The following FRMD5 variants were observed in gnomAD, a reference collection of about 807,000 sequenced individuals.
FRMD5 encodes the protein FERM domain containing 5, also known as FERM domain-containing protein 5.
In FRMD5, 20 loss-of-function variants were observed where a neutral mutation model predicts 69.0. The observed-to-expected ratio is 0.29, with a 90% confidence interval of 0.20 to 0.42. FRMD5 has a LOEUF of 0.42. Ranked by LOEUF, FRMD5 falls within the 10% of genes least tolerant of loss-of-function variation. The pLI is 1.00. For missense variants in FRMD5, 595 were observed against 708.6 expected, an observed-to-expected ratio of 0.84 and a Z score of 1.82; for synonymous variants, 271 against 260.1, an observed-to-expected ratio of 1.04 and a Z score of -0.40.
chr15:44,104,278 G>T (rs2076681483), intron 1 of FRMD5, among the ~76,000 whole-genome samples: 1 of 152,158 alleles, frequency 6.6e-6, no homozygotes, highest in African/African-American at 2.4e-5. Context: ...TAAGCTAGGT[G>T]TTATTATAAA....
intron 1 of FRMD5, among the ~76,000 whole-genome samples, chr15:44,141,914 T>C (rs1595514518): frequency 6.6e-6 from 1 of 152,172 alleles, no homozygotes; most frequent in African/African-American, 2.4e-5. Context: ...GGCTCATTTG[T>C]ATAGGGTTTT....
At chr15:43,973,892 A>G (rs1337229900) in intron 1 of FRMD5, among the ~76,000 whole-genome samples, 6 of 150,844 alleles carry the variant, frequency 4.0e-5, no homozygotes, top group African/African-American at 1.5e-4. Flanking sequence ...GGCCTCCTCA[A>G]TCTTCTACTT....
chr15:44,068,663 C>G (rs1444454955), intron 1 of FRMD5, among the ~76,000 whole-genome samples: 1 of 152,088 alleles, frequency 6.6e-6, no homozygotes, highest in Non-Finnish European at 1.5e-5. Flanking sequence ...TAAAAATGTT[C>G]TGAAATTACA....
intron 1 of FRMD5, among the ~76,000 whole-genome samples, chr15:44,134,265 A>G (rs924822603): frequency 1.3e-5 from 2 of 152,094 alleles, no homozygotes; most frequent in African/African-American, 4.8e-5. Context: ...GTGCATCACC[A>G]CGTCCAGCTT....
chr15:44,001,725 G>GC (rs938049055), intron 1 of FRMD5, among the ~76,000 whole-genome samples: 1 of 151,714 alleles, frequency 6.6e-6, no homozygotes, highest in Non-Finnish European at 1.5e-5. Context: ...TCCTGCCGCA[G>GC]CCCCCCAAGT....
chr15:44,098,120 A>AAAAAAAAAAAC (rs1555403630), intron 1 of FRMD5, among the ~76,000 whole-genome samples: 7 of 142,240 alleles, frequency 4.9e-5, no homozygotes, highest in African/African-American at 1.0e-4. Flanking sequence ...CAAAACAAAA[A>AAAAAAAAAAAC]AAAAAAAACT....
intron 1 of FRMD5, among the ~76,000 whole-genome samples, chr15:44,079,176 C>G (rs1245518078): frequency 6.6e-6 from 1 of 151,980 alleles, no homozygotes; most frequent in Non-Finnish European, 1.5e-5. Flanking sequence ...TTCAAAATCA[C>G]TAATCCATTA....
chr15:44,144,112 T>G (rs949128453), intron 1 of FRMD5, among the ~76,000 whole-genome samples: 2 of 152,128 alleles, frequency 1.3e-5, no homozygotes, highest in Non-Finnish European at 2.9e-5. Context: ...ATTTTTAAAT[T>G]TTATCTGCTC....
chr15:43,887,448 C>G (rs182224997), intron 10 of FRMD5, among the ~76,000 whole-genome samples: 1 of 152,346 alleles, frequency 6.6e-6, no homozygotes, highest in Non-Finnish European at 1.5e-5. Context: ...GGAAGTGTGA[C>G]CATGCCAAAG....
chr15:43,912,301 C>T (rs1055766911), intron 4 of FRMD5, among the ~76,000 whole-genome samples: 1 of 152,028 alleles, frequency 6.6e-6, no homozygotes, highest in Non-Finnish European at 1.5e-5. Flanking sequence ...CCAAGAAAAA[C>T]GAAAGGAAAA....
chr15:44,038,887 G>T (rs903380935), intron 1 of FRMD5, among the ~76,000 whole-genome samples: 8 of 152,136 alleles, frequency 5.3e-5, no homozygotes, highest in African/African-American at 1.9e-4. Flanking sequence ...TCCAGTGCCT[G>T]GCTCGGCAGG....
At chr15:43,950,403 T>A (rs994129300) in intron 1 of FRMD5, among the ~76,000 whole-genome samples, 2 of 152,184 alleles carry the variant, frequency 1.3e-5, no homozygotes, top group Non-Finnish European at 2.9e-5. Flanking sequence ...CGCATTCACA[T>A]AGACAAACAG....
intron 1 of FRMD5, among the ~76,000 whole-genome samples, chr15:44,176,876 T>A (rs1301620498): frequency 6.6e-6 from 1 of 151,390 alleles, no homozygotes; most frequent in Non-Finnish European, 1.5e-5. Flanking sequence ...AAGGCACATG[T>A]ATACATAGGT....
chr15:43,879,422 T>C (rs548920081), intron 13 of FRMD5: 34 of 398,274 alleles, frequency 8.5e-5, no homozygotes, highest in Admixed American at 4.4e-5. Context: ...GAACCTGTTA[T>C]TTTGGGATAG....
chr15:44,004,194 C>T (rs1447950306), intron 1 of FRMD5, among the ~76,000 whole-genome samples: 2 of 152,338 alleles, frequency 1.3e-5, no homozygotes, highest in African/African-American at 4.8e-5. Context: ...AACACACCCA[C>T]ACCAGTGAGC....
intron 1 of FRMD5, among the ~76,000 whole-genome samples, chr15:44,118,555 C>G (rs1383802367): frequency 6.6e-6 from 1 of 152,154 alleles, no homozygotes; most frequent in Non-Finnish European, 1.5e-5. Context: ...TTCTATGAAC[C>G]TGTCTTCTTT....
chr15:44,061,465 C>T (rs933752470), intron 1 of FRMD5, among the ~76,000 whole-genome samples: 9 of 152,166 alleles, frequency 5.9e-5, no homozygotes, highest in South Asian at 2.1e-4. Context: ...CAATAAAGGG[C>T]GGCCAGTGGT....
At position 43,874,090 on chromosome 15, in the gene FRMD5, C is replaced by T. The variant is rs145058047; in HGVS notation, c.1508G>A (p.Arg503His). The T allele has an allele frequency of 9.4e-5, 152 of 1,614,100 alleles. No homozygotes were observed. The highest frequency in any genetic ancestry group is 2.2e-4 in the East Asian group (10 of 44,898). ...GAGTCCCATGGTCACAAGGAGCAAA[C>T]GGAGGACACTTAGAACAAACTTATT... ...QVNKFVLSVL[R>H]LLLVTMGLLF... Residue 503 changes from arginine to histidine, a missense_variant, in exon 14 of 14, where the codon CGT becomes CAT. By Grantham distance (29) the Arg-to-His change is conservative. Coordinates refer to ENST00000417257, the MANE Select transcript of FRMD5 (RefSeq NM_032892.5).
At chr15:43,971,753 C>T (rs1438554133) in intron 1 of FRMD5, among the ~76,000 whole-genome samples, 1 of 151,564 alleles carries the variant, frequency 6.6e-6, no homozygotes, top group Non-Finnish European at 1.5e-5. Flanking sequence ...GTTGCCCAGG[C>T]TGGAGTGCAA....
Sources: allele counts gnomAD v4.1 joint callset (sites outside exome capture counted in the v4.1 genomes callset), GRCh38; gene constraint gnomAD v4.1.1; transcripts MANE v1.5; gene names NCBI Gene and HGNC (gene_info 2026-07-23, HGNC 2026-07-21).